Variants in KLHL13 observed in about 807,000 individuals in gnomAD.
KLHL13 encodes the protein kelch-like protein 13.
KLHL13 carries 10 observed loss-of-function variants against 37.1 expected under a neutral mutation model. The ratio of observed to expected loss-of-function variants is 0.27; its 90% CI spans 0.17 to 0.46. The LOEUF (loss-of-function observed/expected upper bound fraction) is 0.46. Among genes scored for constraint, KLHL13 ranks in the 20% least tolerant of loss-of-function variants. The probability of loss-of-function intolerance (pLI) is 1.00; values close to 1 mark genes in which losing one functional copy is unlikely to be tolerated. For synonymous variants in KLHL13, 163 were observed against 181.2 expected (o/e 0.90, Z 0.81); for missense variants, 360 against 509.3 (o/e 0.71, Z 2.82).
At chrX:118,062,245 T>C (rs1349310020) in intron 1 of KLHL13, among the ~76,000 whole-genome samples, 1 of 111,194 alleles carries the variant, frequency 9.0e-6, no homozygotes, top group African/African-American at 3.3e-5. Flanking sequence ...CCAAGTCCTT[T>C]GTGAGAATAT....
intron 1 of KLHL13, among the ~76,000 whole-genome samples, chrX:118,011,103 A>T (rs2054062367): frequency 9.2e-6 from 1 of 109,037 alleles, no homozygotes; most frequent in South Asian, 4.0e-4. Flanking sequence ...TAAATAAATA[A>T]GAAAAGGACA....
At chrX:118,036,782 A>T (rs965647601) in intron 1 of KLHL13, among the ~76,000 whole-genome samples, 7 of 111,378 alleles carry the variant, frequency 6.3e-5, no homozygotes, top group Non-Finnish European at 9.4e-5. Flanking sequence ...ACAGCAAAAG[A>T]AACTACCATC....
chrX:117,966,270 A>T (rs2053427986), intron 1 of KLHL13, among the ~76,000 whole-genome samples: 47 of 111,820 alleles, frequency 4.2e-4, no homozygotes, highest in Non-Finnish European at 1.1e-4. Flanking sequence ...CCAATAACAG[A>T]AAACAGACAG....
intron 1 of KLHL13, among the ~76,000 whole-genome samples, chrX:118,063,886 C>T (rs771911162): frequency 6.3e-5 from 7 of 111,931 alleles, no homozygotes; most frequent in Non-Finnish European, 1.3e-4. Flanking sequence ...TTGCTAAAGT[C>T]TTAATGCATA....
intron 5 of KLHL13, among the ~76,000 whole-genome samples, chrX:117,904,087 C>T (rs1317511888): frequency 3.6e-5 from 4 of 110,780 alleles, no homozygotes; most frequent in Non-Finnish European, 7.6e-5. Context: ...CTTTCTCACA[C>T]AGGAGGCCCT....
intron 2 of KLHL13, among the ~76,000 whole-genome samples, chrX:117,924,419 CTT>C (rs1931896294): frequency 8.9e-6 from 1 of 112,067 alleles, no homozygotes; most frequent in Non-Finnish European, 1.9e-5. Flanking sequence ...ACTCATAAAT[CTT>C]TTCCCCTATT....
intron 1 of KLHL13, among the ~76,000 whole-genome samples, chrX:118,035,833 T>G (rs1244470840): frequency 3.9e-5 from 4 of 103,689 alleles, no homozygotes; most frequent in Non-Finnish European, 7.7e-5. Flanking sequence ...TGATTGTATA[T>G]CTAGAAAACC....
chrX:118,077,776 G>A (rs2054942642), intron 1 of KLHL13, among the ~76,000 whole-genome samples: 1 of 111,149 alleles, frequency 9.0e-6, no homozygotes, highest in Admixed American at 9.6e-5. Context: ...AATGAACCTT[G>A]GGGTCTGACA....
At chrX:117,989,775 G>A (rs1190523821) in intron 1 of KLHL13, among the ~76,000 whole-genome samples, 2 of 111,592 alleles carry the variant, frequency 1.8e-5, no homozygotes, top group African/African-American at 6.5e-5. Flanking sequence ...TCATGCTTAA[G>A]TGTTCAAGCA....
intron 1 of KLHL13, among the ~76,000 whole-genome samples, chrX:117,982,880 A>G (rs943288924): frequency 8.1e-5 from 9 of 111,786 alleles, no homozygotes; most frequent in African/African-American, 2.9e-4. Flanking sequence ...TGTCATAGCA[A>G]ACTGTACATC....
At position 117,973,296 on chromosome X, in the gene KLHL13, AAAC is replaced by A. The variant is rs202104844; in HGVS notation, c.-471_-469del. The A allele has an allele frequency of 7.2e-3, 6,949 of 966,314 alleles. 259 individuals are homozygous for A. The African/African-American group carries it at 0.12, about 17-fold the overall frequency. 79.6% of individuals were successfully genotyped at this position (966,314 alleles called of 1,213,427 possible). A position where few individuals can be genotyped will look rare whatever the true frequency, so the allele number is the denominator to read the frequency against. Reference sequence around the variant, plus strand: ...CATAGATGGGTTTCATATGAAAATGAAACAACAACATACCTACTCAGAATACAC... The same window carrying A: ...CATAGATGGGTTTCATATGAAAATGAAACAACATACCTACTCAGAATACAC... On this transcript the variant is annotated 5_prime_UTR_variant, in exon 1 of 7. Transcript: ENST00000262820.
intron 1 of KLHL13, among the ~76,000 whole-genome samples, chrX:118,073,694 T>C (rs2054897930): frequency 8.9e-6 from 1 of 112,114 alleles, no homozygotes; most frequent in Admixed American, 9.5e-5. Flanking sequence ...AAGGGATGTT[T>C]GGAAAAGAAT....
chrX:118,049,124 T>C (rs1366273874), intron 1 of KLHL13, among the ~76,000 whole-genome samples: 1 of 111,966 alleles, frequency 8.9e-6, no homozygotes, highest in East Asian at 2.8e-4. Context: ...GAGATATCCT[T>C]AGCCAATTTC....
At chrX:118,054,896 G>C (rs950832431) in intron 1 of KLHL13, among the ~76,000 whole-genome samples, 13 of 110,250 alleles carry the variant, frequency 1.2e-4, no homozygotes, top group Non-Finnish European at 3.8e-5. Flanking sequence ...AACCTGTTCT[G>C]ATAAAATTCA....
intron 1 of KLHL13, among the ~76,000 whole-genome samples, chrX:118,094,855 C>A (rs1356487986): frequency 8.1e-5 from 9 of 111,224 alleles, no homozygotes; most frequent in Non-Finnish European, 1.5e-4. Flanking sequence ...GATTTTGTCA[C>A]CACCAGGCCT....
chrX:117,961,184 C>G (rs151210855), intron 1 of KLHL13, among the ~76,000 whole-genome samples: 1 of 111,569 alleles, frequency 9.0e-6, no homozygotes. Flanking sequence ...CAACACAACC[C>G]CAGATTATAG....
At chrX:118,035,587 A>T (rs1443760384) in intron 1 of KLHL13, among the ~76,000 whole-genome samples, 1 of 109,212 alleles carries the variant, frequency 9.2e-6, no homozygotes, top group Admixed American at 9.7e-5. Flanking sequence ...TTGATGAGAC[A>T]TATCTCAAAA....
intron 1 of KLHL13, among the ~76,000 whole-genome samples, chrX:118,085,025 A>T (rs1266214182): frequency 2.7e-5 from 3 of 109,468 alleles, no homozygotes; most frequent in Admixed American, 9.8e-5. Context: ...TCTGTCTAAA[A>T]AATAATAATA....
intron 2 of KLHL13, among the ~76,000 whole-genome samples, chrX:117,924,611 T>C (rs1282077508): frequency 8.9e-6 from 1 of 111,864 alleles, no homozygotes; most frequent in Non-Finnish European, 1.9e-5. Flanking sequence ...TTGTTCAGTT[T>C]CTAATTAGTT....
Sources: gnomAD v4.1 joint callset for allele counts (sites outside exome capture counted in the v4.1 genomes callset) on GRCh38, gnomAD v4.1.1 for gene constraint, MANE v1.5 for transcripts, NCBI Gene and HGNC (gene_info 2026-07-23, HGNC 2026-07-21) for gene names.